Variants in TTC7B observed in about 807,000 individuals in gnomAD.
The protein encoded by TTC7B is tetratricopeptide repeat protein 7B.
TTC7B carries 28 observed loss-of-function variants against 106.8 expected under a neutral mutation model. That is an observed-to-expected ratio of 0.26 (90% CI 0.19 to 0.36). TTC7B has a LOEUF of 0.36. Ranked by LOEUF, TTC7B falls within the 10% of genes least tolerant of loss-of-function variation. The pLI is 1.00. For synonymous variants in TTC7B, 405 were observed against 430.6 expected (o/e 0.94, Z 0.74); for missense variants, 862 against 1,076.4 (o/e 0.80, Z 2.79).
Position 90,538,778 on chromosome 14 carries a change from C to A in TTC7B, c.*2590G>T, listed in dbSNP as rs559442881. The A allele has an allele frequency of 6.6e-6, 1 of 152,240 alleles. No individual in the cohort carries two copies. The highest frequency in any genetic ancestry group is 2.4e-5 in the African/African-American group (1 of 41,510). 9.4% of individuals were successfully genotyped at this position (152,240 alleles called of 1,614,324 possible). A position where few individuals can be genotyped will look rare whatever the true frequency, so the allele number is the denominator to read the frequency against. On this transcript the variant is annotated 3_prime_UTR_variant, in exon 20 of 20. Transcript: ENST00000328459. Reference sequence around the variant, plus strand: ...ACCTTTTAGGTAGAAGTGATGGAAACCCCTGTGCTTGCACTAAGCAAGATG... The same window carrying A: ...ACCTTTTAGGTAGAAGTGATGGAAAACCCTGTGCTTGCACTAAGCAAGATG...
chr14:90,684,876 C>T (rs1347480875), intron 7 of TTC7B, among the ~76,000 whole-genome samples: 1 of 151,860 alleles, frequency 6.6e-6, no homozygotes, highest in Admixed American at 6.6e-5. Flanking sequence ...GGTGTGTATC[C>T]AAAAAAGCTT....
At chr14:90,669,073 A>G (rs538709137) in intron 9 of TTC7B, among the ~76,000 whole-genome samples, 8 of 152,242 alleles carry the variant, frequency 5.3e-5, no homozygotes, top group South Asian at 2.1e-4. Flanking sequence ...TTTATGGCCA[A>G]TTGGTTTTTG....
rs1490465361 is a variant in TTC7B at position 90,541,026 on chromosome 14, C to T, written c.*342G>A. On this transcript the variant is annotated 3_prime_UTR_variant, in exon 20 of 20. Coordinates refer to ENST00000328459, the MANE Select transcript of TTC7B (RefSeq NM_001010854.2). ...CTCTGATAAAAATAATCTGTGCTGC[C>T]ACTGAATTTTAACTTTGAATATATT... 1.9e-5 allele frequency: 5 copies of T among 257,074 alleles called. No homozygotes were observed. The highest frequency in any genetic ancestry group is 2.2e-5 in the Non-Finnish European group (3 of 136,060). The allele number at this position is 257,074 out of a possible 1,614,324, so 15.9% of individuals were successfully genotyped here. A position where few individuals can be genotyped will look rare whatever the true frequency, so the allele number is the denominator to read the frequency against.
At chr14:90,626,329 C>A (rs1884438627) in intron 15 of TTC7B, among the ~76,000 whole-genome samples, 2 of 152,130 alleles carry the variant, frequency 1.3e-5, no homozygotes, top group Non-Finnish European at 2.9e-5. Context: ...TTACATTAAG[C>A]CCCCAAAGGA....
At chr14:90,599,913 A>G (rs1892360691) in intron 17 of TTC7B, among the ~76,000 whole-genome samples, 1 of 152,214 alleles carries the variant, frequency 6.6e-6, no homozygotes, top group African/African-American at 2.4e-5. Flanking sequence ...GCTTTGCTTT[A>G]GAATTTTCAT....
In TTC7B at chr14:90,816,256, T is replaced by C; in HGVS notation, c.40A>G (p.Ile14Val). 1 of 1,249,748 alleles carries C rather than the reference T, an allele frequency of 8.0e-7. No homozygotes were observed. The highest frequency in any genetic ancestry group is 1.0e-6 in the Non-Finnish European group (1 of 966,036). The allele number at this position is 1,249,748 out of a possible 1,614,324, so 77.4% of individuals were successfully genotyped here. Residue 14 changes from isoleucine (I) to valine (V), a missense_variant, in exon 1 of 20, where the codon ATC becomes GTC. Coordinates refer to ENST00000328459, the MANE Select transcript of TTC7B (RefSeq NM_001010854.2). ...KKAGSRLETE[I>V]ERCRSECQWE... ...TGGCACTCGGAGCGGCAGCGCTCGA[T>C]CTCCGTCTCCAGCCGCGAGCCTGCC...
intron 18 of TTC7B, among the ~76,000 whole-genome samples, chr14:90,582,121 T>C (rs1891520359): frequency 6.6e-6 from 1 of 152,196 alleles, no homozygotes. Flanking sequence ...TTTCAAACCA[T>C]TTTTGCCAGT....
At chr14:90,656,899 G>T (rs148094700) in intron 11 of TTC7B, among the ~76,000 whole-genome samples, 53 of 152,322 alleles carry the variant, frequency 3.5e-4, no homozygotes, top group African/African-American at 1.2e-3. Flanking sequence ...ATGGGAGTAT[G>T]AATTATAATT....
chr14:90,590,147 C>T (rs1187618392), intron 18 of TTC7B, among the ~76,000 whole-genome samples: 1 of 152,074 alleles, frequency 6.6e-6, no homozygotes, highest in Admixed American at 6.5e-5. Context: ...CAATTGTGTG[C>T]CATGGACCTA....
intron 15 of TTC7B, among the ~76,000 whole-genome samples, chr14:90,629,519 G>A (rs1016154487): frequency 3.9e-5 from 6 of 152,176 alleles, no homozygotes; most frequent in Non-Finnish European, 7.3e-5. Flanking sequence ...TACTCTGCAC[G>A]GACAAAGTTT....
intron 16 of TTC7B, among the ~76,000 whole-genome samples, chr14:90,617,130 C>T (rs1022231263): frequency 5.3e-5 from 8 of 152,174 alleles, no homozygotes; most frequent in East Asian, 3.8e-4. Flanking sequence ...GGGCAGGCAC[C>T]GTTGACTCAC....
chr14:90,722,236 C>A (rs186071979), intron 5 of TTC7B, among the ~76,000 whole-genome samples: 1 of 152,318 alleles, frequency 6.6e-6, no homozygotes, highest in East Asian at 1.9e-4. Context: ...CACAGACTCC[C>A]TCCTGGCTCT....
intron 15 of TTC7B, among the ~76,000 whole-genome samples, chr14:90,636,120 CAAAA>C (rs779277935): frequency 1.0e-5 from 1 of 98,564 alleles, no homozygotes. Context: ...GACTCCATCT[CAAAA>C]AAAAAAAAAA....
intron 17 of TTC7B, among the ~76,000 whole-genome samples, chr14:90,597,883 A>G (rs1290954032): frequency 6.6e-6 from 1 of 152,210 alleles, no homozygotes; most frequent in Admixed American, 6.5e-5. Context: ...CTATTAACTT[A>G]AGGTGGAAAT....
intron 4 of TTC7B, among the ~76,000 whole-genome samples, chr14:90,731,008 C>G (rs1483373387): frequency 6.6e-6 from 1 of 152,184 alleles, no homozygotes; most frequent in African/African-American, 2.4e-5. Context: ...TGCAGTGGCA[C>G]AATCTCAGCT....
At chr14:90,551,968 G>A (rs1375302355) in intron 19 of TTC7B, among the ~76,000 whole-genome samples, 1 of 152,268 alleles carries the variant, frequency 6.6e-6, no homozygotes, top group East Asian at 1.9e-4. Flanking sequence ...GCGAGGCCTG[G>A]TCTCTATGGG....
chr14:90,640,057 T>C (rs1022449321), intron 15 of TTC7B, among the ~76,000 whole-genome samples: 1 of 152,182 alleles, frequency 6.6e-6, no homozygotes, highest in Non-Finnish European at 1.5e-5. Context: ...GGCGCATGGA[T>C]CGCTTGAGCT....
At position 90,624,018 on chromosome 14, in the gene TTC7B, C is replaced by G. The variant is rs1433254141; in HGVS notation, c.1752-5973G>C. On this transcript the variant is annotated intron_variant, in intron 15 of 19. Transcript: ENST00000328459. The surrounding 1 kb of genome is among the most constrained non-coding windows in gnomAD (Gnocchi z 4.0). ...CCTGAGCGACAGAGACAGACTCTGT[C>G]TCAAACAACAAAACAAAAACAAAAC... 2.0e-5 allele frequency among the ~76,000 whole-genome samples: 3 copies of G among 152,198 alleles called. No individual in the cohort carries two copies. Among genetic ancestry groups the G allele is most frequent in the Non-Finnish European group, 4.4e-5 (3 of 68,034 alleles).
In TTC7B at chr14:90,730,134, T is replaced by C. The variant is rs1889269578; in HGVS notation, c.639A>G (p.Glu213=). The change falls in exon 5 of 20, where the codon GAA becomes GAG. Residue 213 remains glutamate (E), a synonymous_variant. Transcript: ENST00000328459. Reference sequence around the variant, plus strand: ...GTCCTGTTTCTAGGAAAAAACCTAGTTCTTGATCGTGGGGAGCAGGGCCAG... The same window carrying C: ...GTCCTGTTTCTAGGAAAAAACCTAGCTCTTGATCGTGGGGAGCAGGGCCAG... ...PKPGPAPHDQ[E]LGFFLETGLQ... is the part of the protein sequence containing the mutation. 4 of 1,613,806 alleles carry C rather than the reference T, an allele frequency of 2.5e-6. No individual in the cohort carries two copies. The East Asian group carries it at 8.9e-5, about 36-fold the overall frequency.
Sources: allele counts gnomAD v4.1 joint callset (sites outside exome capture counted in the v4.1 genomes callset), GRCh38; gene constraint gnomAD v4.1.1; non-coding constraint Gnocchi (gnomAD v3.1); transcripts MANE v1.5; gene names NCBI Gene and HGNC (gene_info 2026-07-23, HGNC 2026-07-21).